Variants in VPS13C observed in about 807,000 individuals in gnomAD.
The protein encoded by VPS13C is vacuolar protein sorting 13 homolog C, also known as intermembrane lipid transfer protein VPS13C.
A neutral mutation model predicts 456.8 loss-of-function variants in VPS13C; 358 were observed. That is an observed-to-expected ratio of 0.78 (90% confidence interval 0.72 to 0.86). The LOEUF is 0.86. Among genes scored for constraint, VPS13C ranks in the 40% least tolerant of loss-of-function variants. VPS13C has a pLI of 0.00. For missense variants in VPS13C, 4,818 were observed against 4,385.4 expected (o/e 1.10, Z -2.79); for synonymous variants, 1,578 against 1,486.7 (o/e 1.06, Z -1.41).
Position 61,974,395 on chromosome 15 carries a change from G to C in VPS13C, c.2431C>G (p.Pro811Ala), listed in dbSNP as rs2045644431. Residue 811 changes from proline (P) to alanine (A), a missense_variant, in exon 25 of 85, where the codon CCT becomes GCT. Physicochemically the swap from Pro to Ala is conservative, Grantham distance 27 (BLOSUM62 -1). Transcript: ENST00000644861. ...MARFKVSGGL[P>A]LMHVRISDQK... is the part of the protein sequence containing the mutation. The stretch of plus-strand genomic sequence containing the variant: ...TCAGAAATTCTCACATGCATCAAAG[G>C]AAGTCCTCCTGACACTTTAAATCTA... 1 of 1,612,312 alleles carries C rather than the reference G, an allele frequency of 6.2e-7. No homozygotes were observed. The highest frequency in any genetic ancestry group is 8.5e-7 in the Non-Finnish European group (1 of 1,178,882).
At chr15:61,984,773 T>A in intron 19 of VPS13C, 84 bp downstream of exon 19, 1 of 1,357,360 alleles carries the variant, frequency 7.4e-7, no homozygotes, top group Non-Finnish European at 1.0e-6. Flanking sequence ...CTGGCACTAA[T>A]CATTTTTAAA....
At chr15:61,887,192 G>C (rs1021834582) in intron 67 of VPS13C, among the ~76,000 whole-genome samples, 2 of 152,168 alleles carry the variant, frequency 1.3e-5, no homozygotes, top group Non-Finnish European at 2.9e-5. Flanking sequence ...ATTATAACAA[G>C]ATTGCAAAAA....
At chr15:61,854,781 T>C (rs1046283719) in intron 84 of VPS13C, 90 bp downstream of exon 84, 1 of 1,234,574 alleles carries the variant, frequency 8.1e-7, no homozygotes, top group African/African-American at 1.5e-5. Context: ...TTGGGAGAGC[T>C]TTGGGAGAAA....
At position 61,894,800 on chromosome 15, in the gene VPS13C, C is replaced by A. The variant is rs1263094482; in HGVS notation, c.9106-4400G>T. Among the ~76,000 whole-genome samples, 3 of 152,116 alleles carry A rather than the reference C, an allele frequency of 2.0e-5. No homozygotes were observed. In the South Asian group the frequency reaches 6.2e-4, roughly 32 times the overall value. The stretch of plus-strand genomic sequence containing the variant: ...ATACAATATTAATAGGGGACCTCAA[C>A]ACCCCCACTCTCAGTAATAGAGAGA... On this transcript the variant is annotated intron_variant, in intron 66 of 84. Coordinates refer to ENST00000644861, the MANE Select transcript of VPS13C (RefSeq NM_020821.3).
intron 66 of VPS13C, among the ~76,000 whole-genome samples, chr15:61,899,351 T>C (rs376934322): frequency 8.3e-4 from 119 of 143,952 alleles, no homozygotes; most frequent in African/African-American, 2.9e-3. Context: ...ATTGATAGAC[T>C]GCTAGCAAGA....
Position 61,863,463 on chromosome 15 carries a change from C to T in VPS13C, c.10929G>A (p.Lys3643=), listed in dbSNP as rs774823088. 1.2e-5 allele frequency: 20 copies of T among 1,612,764 alleles called. No individual in the cohort carries two copies. Among genetic ancestry groups the T allele is most frequent in the Non-Finnish European group, 1.7e-5 (20 of 1,179,146 alleles). ...RYHCAIPGSK[K]TILMVTNRRV... ...ACCTATTTGTAACCATAAGGATTGT[C>T]TTCTTGCTTCCAGGAATAGCACAGT... is the stretch of plus-strand genomic sequence containing the variant. Residue 3643 remains lysine, a synonymous_variant, in exon 82 of 85, where the codon AAG becomes AAA. Coordinates refer to ENST00000644861, the MANE Select transcript of VPS13C (RefSeq NM_020821.3).
At chr15:61,863,195 T>TTA (rs1894318325) in intron 82 of VPS13C, among the ~76,000 whole-genome samples, 1 of 152,142 alleles carries the variant, frequency 6.6e-6, no homozygotes, top group Non-Finnish European at 1.5e-5. Context: ...GTTGTGTAAC[T>TTA]TGGATAAGTC....
At chr15:61,879,017 G>A (rs766255034) in intron 73 of VPS13C, among the ~76,000 whole-genome samples, 61 of 152,118 alleles carry the variant, frequency 4.0e-4, no homozygotes, top group Non-Finnish European at 8.1e-4. Context: ...GAGGGAAACC[G>A]ACACACTTTA....
chr15:61,891,501 C>A (rs1198681825), intron 66 of VPS13C, among the ~76,000 whole-genome samples: 1 of 152,158 alleles, frequency 6.6e-6, no homozygotes, highest in African/African-American at 2.4e-5. Context: ...AATTCTGTAT[C>A]TGTAAACTAC....
At chr15:62,014,941 G>T (rs1264492341) in intron 9 of VPS13C, among the ~76,000 whole-genome samples, 1 of 152,120 alleles carries the variant, frequency 6.6e-6, no homozygotes, top group Admixed American at 6.6e-5. Flanking sequence ...TCACCAGGCA[G>T]AAAGTAATAC....
At chr15:61,999,656 T>C (rs886973786) in intron 16 of VPS13C, among the ~76,000 whole-genome samples, 2 of 152,122 alleles carry the variant, frequency 1.3e-5, no homozygotes, top group South Asian at 2.1e-4. Context: ...ATGAGTTACA[T>C]TGCATTTGTA....
rs2045090757 is a variant in VPS13C, at chr15:61,958,668, C to G, written c.4105G>C (p.Glu1369Gln). The change falls in exon 37 of 85, where the codon GAA becomes CAA. Residue 1369 changes from glutamate (E) to glutamine (Q), a missense_variant. Around this residue, in one of 3 missense-constraint regions of VPS13C, gnomAD observed 4,552 missense variants for 4,130.6 expected, o/e 1.10. Coordinates refer to ENST00000644861, the MANE Select transcript of VPS13C (RefSeq NM_020821.3). ...TCTTCAGTACCCTCACAGAGATTTT[C>G]TGTTAGTATCCTAAATAAAAGATTA... ...DLNLLFRILTENLCEGTEDLD... is the reference protein window; with the variant it reads ...DLNLLFRILTQNLCEGTEDLD... The G allele has an allele frequency of 6.4e-7, 1 of 1,572,716 alleles. No individual in the cohort carries two copies. The highest frequency in any genetic ancestry group is 1.4e-5 in the African/African-American group (1 of 71,826).
intron 66 of VPS13C, among the ~76,000 whole-genome samples, chr15:61,895,846 G>A: frequency 6.6e-6 from 1 of 152,058 alleles, no homozygotes; most frequent in East Asian, 1.9e-4. Flanking sequence ...TCTTAAAGGA[G>A]ATACAAAATT....
chr15:61,938,767 G>A (rs996612737), intron 47 of VPS13C, among the ~76,000 whole-genome samples: 8 of 152,038 alleles, frequency 5.3e-5, no homozygotes, highest in South Asian at 2.1e-4. Context: ...TTCAGATCTC[G>A]TTTCCCATTA....
intron 39 of VPS13C, 27 bp downstream of exon 39, chr15:61,951,797 T>C (rs1269376801): frequency 6.3e-7 from 1 of 1,592,530 alleles, no homozygotes; most frequent in Non-Finnish European, 8.6e-7. Context: ...TAATGAATAA[T>C]TTACACAGAC....
At chr15:62,019,751 G>T (rs760386884) in intron 9 of VPS13C, among the ~76,000 whole-genome samples, 1 of 151,980 alleles carries the variant, frequency 6.6e-6, no homozygotes, top group African/African-American at 2.4e-5. Context: ...GTGCTGAGAA[G>T]AATGTATATT....
intron 66 of VPS13C, among the ~76,000 whole-genome samples, chr15:61,903,483 C>T (rs1380170689): frequency 6.6e-6 from 1 of 151,704 alleles, no homozygotes; most frequent in Non-Finnish European, 1.5e-5. Context: ...AGCTATGAAA[C>T]ACTAATGAAA....
chr15:61,911,261 A>T (rs1045351508), intron 63 of VPS13C, among the ~76,000 whole-genome samples: 4 of 152,186 alleles, frequency 2.6e-5, no homozygotes, highest in African/African-American at 9.7e-5. Flanking sequence ...TGAACAGCTT[A>T]GTTCAAATCC....
intron 9 of VPS13C, among the ~76,000 whole-genome samples, chr15:62,018,113 T>C (rs1027737179): frequency 4.6e-5 from 7 of 152,312 alleles, no homozygotes; most frequent in African/African-American, 1.7e-4. Context: ...ATAAGAATGC[T>C]TGTGATTTTT....
Sources: allele counts gnomAD v4.1 joint callset (sites outside exome capture counted in the v4.1 genomes callset), GRCh38; gene constraint gnomAD v4.1.1; regional missense constraint gnomAD v4.1.1; transcripts MANE v1.5; gene names NCBI Gene and HGNC (gene_info 2026-07-23, HGNC 2026-07-21).